Variants in LRRTM3 observed in about 807,000 individuals in gnomAD.
LRRTM3 encodes the protein leucine rich repeat transmembrane neuronal 3.
In LRRTM3, 24 loss-of-function variants were observed where a neutral mutation model predicts 44.7. The observed-to-expected ratio is 0.54, with a 90% CI of 0.39 to 0.76. The LOEUF is 0.76. Ranked by LOEUF, LRRTM3 falls within the 30% of genes least tolerant of loss-of-function variation. LRRTM3 has a pLI of 0.00. For synonymous variants in LRRTM3, 277 were observed against 278.7 expected (o/e 0.99, Z 0.06); for missense variants, 587 against 702.2 (o/e 0.84, Z 1.85).
chr10:66,987,160 G>A (rs1334432224), intron 2 of LRRTM3, among the ~76,000 whole-genome samples: 2 of 152,134 alleles, frequency 1.3e-5, no homozygotes, highest in Non-Finnish European at 2.9e-5. Context: ...TTTGAAACAC[G>A]GACACAGGGC....
intron 2 of LRRTM3, among the ~76,000 whole-genome samples, chr10:66,980,295 T>C (rs1233817754): frequency 6.6e-6 from 1 of 152,086 alleles, no homozygotes; most frequent in East Asian, 1.9e-4. Context: ...ATACCACAAG[T>C]CAACAAAGAT....
intron 2 of LRRTM3, among the ~76,000 whole-genome samples, chr10:67,011,663 T>C (rs1464280671): frequency 6.6e-6 from 1 of 152,196 alleles, no homozygotes; most frequent in Non-Finnish European, 1.5e-5. Flanking sequence ...ATGATGATAA[T>C]GATGACGATA....
In LRRTM3 at chr10:66,926,440, G is replaced by A. The variant is rs901831309; in HGVS notation, c.-144G>A. ...TGGCAAAGAATAATGTTCCAAAATC[G>A]GTCCATCTCCCAAGGGGTCCAATTT... On this transcript the variant is annotated 5_prime_UTR_variant, in exon 1 of 3. Coordinates refer to ENST00000361320, the MANE Select transcript of LRRTM3 (RefSeq NM_178011.5). 8.8e-6 allele frequency: 7 copies of A among 796,684 alleles called. No individual in the cohort carries two copies. Among genetic ancestry groups the A allele is most frequent in the Middle Eastern group, 2.3e-4 (1 of 4,286 alleles). 49.4% of individuals were successfully genotyped at this position (796,684 alleles called of 1,614,324 possible).
chr10:66,953,774 T>C (rs979595141), intron 2 of LRRTM3, among the ~76,000 whole-genome samples: 2 of 151,436 alleles, frequency 1.3e-5, no homozygotes, highest in East Asian at 3.8e-4. Context: ...TATTAGATGA[T>C]ATAAGTTTTA....
chr10:66,955,414 G>T (rs1264240191), intron 2 of LRRTM3, among the ~76,000 whole-genome samples: 2 of 152,114 alleles, frequency 1.3e-5, no homozygotes, highest in Non-Finnish European at 1.5e-5. Flanking sequence ...CTATGATGTA[G>T]GTGATAAAAT....
intron 2 of LRRTM3, among the ~76,000 whole-genome samples, chr10:67,064,196 A>G (rs767169130): frequency 3.3e-5 from 5 of 152,116 alleles, no homozygotes; most frequent in African/African-American, 4.8e-5. Flanking sequence ...GAACATTTGA[A>G]TTGTTAAAAT....
chr10:67,007,545 C>A (rs1239543374), intron 2 of LRRTM3, among the ~76,000 whole-genome samples: 1 of 151,840 alleles, frequency 6.6e-6, no homozygotes, highest in Non-Finnish European at 1.5e-5. Context: ...TTAGGTCAAA[C>A]TTGGAATCTA....
At chr10:67,056,508 C>T (rs1345596001) in intron 2 of LRRTM3, among the ~76,000 whole-genome samples, 1 of 152,144 alleles carries the variant, frequency 6.6e-6, no homozygotes, top group Non-Finnish European at 1.5e-5. Flanking sequence ...AGATCCACTC[C>T]TGATCTGTAT....
chr10:66,995,944 T>C (rs1400798749), intron 2 of LRRTM3, among the ~76,000 whole-genome samples: 2 of 152,228 alleles, frequency 1.3e-5, no homozygotes, highest in Non-Finnish European at 2.9e-5. Context: ...AGTGGTTTAT[T>C]ACATTATTGT....
rs56341920 is a variant in LRRTM3, at chr10:67,026,808, T to A, written c.1537-70779T>A. On this transcript the variant is annotated intron_variant, in intron 2 of 2. Coordinates refer to ENST00000361320, the MANE Select transcript of LRRTM3 (RefSeq NM_178011.5). ...GAGATTTATGAAAAATGAAACAAAC[T>A]CTTCTCATGTGTTAATTAAAAGAGT... 2.3e-3 allele frequency among the ~76,000 whole-genome samples: 353 copies of A among 152,282 alleles called. 3 individuals are homozygous for A. Among genetic ancestry groups the A allele is most frequent in the Middle Eastern group, 0.01 (3 of 294 alleles).
At chr10:67,080,523 A>G (rs1177334037) in intron 2 of LRRTM3, among the ~76,000 whole-genome samples, 1 of 152,268 alleles carries the variant, frequency 6.6e-6, no homozygotes, top group South Asian at 2.1e-4. Context: ...GAGGAAATTT[A>G]TGTTTTATTA....
At chr10:66,975,424 C>T (rs2132848863) in intron 2 of LRRTM3, among the ~76,000 whole-genome samples, 1 of 152,320 alleles carries the variant, frequency 6.6e-6, no homozygotes, top group East Asian at 1.9e-4. Context: ...TTCAGATTGG[C>T]TTCTGAATCA....
At chr10:67,082,798 T>G (rs1857116558) in intron 2 of LRRTM3, among the ~76,000 whole-genome samples, 1 of 152,198 alleles carries the variant, frequency 6.6e-6, no homozygotes, top group African/African-American at 2.4e-5. Flanking sequence ...GGATTAGATA[T>G]CAGTCATGAA....
At chr10:66,979,129 T>C (rs969278604) in intron 2 of LRRTM3, among the ~76,000 whole-genome samples, 5 of 152,006 alleles carry the variant, frequency 3.3e-5, no homozygotes, top group African/African-American at 1.2e-4. Flanking sequence ...CACACCTGGC[T>C]AATTTAATTT....
In LRRTM3 at chr10:67,035,397, T is replaced by C. The variant is rs544842584; in HGVS notation, c.1537-62190T>C. 1.6e-4 allele frequency among the ~76,000 whole-genome samples: 25 copies of C among 152,300 alleles called. No homozygotes were observed. The South Asian group carries it at 1.9e-3, about 11-fold the overall frequency. On this transcript the variant is annotated intron_variant, in intron 2 of 2. Coordinates refer to ENST00000361320, the MANE Select transcript of LRRTM3 (RefSeq NM_178011.5). ...CTAAGGAGTTTGGAATGACTTTATA[T>C]TTATATGCGTTATTTAAAGTTAAGT...
At chr10:66,985,699 C>T (rs565131419) in intron 2 of LRRTM3, among the ~76,000 whole-genome samples, 1 of 152,178 alleles carries the variant, frequency 6.6e-6, no homozygotes, top group South Asian at 2.1e-4. Context: ...CTAGTCACTT[C>T]CTACCACATT....
At chr10:67,008,199 G>A (rs1206518594) in intron 2 of LRRTM3, among the ~76,000 whole-genome samples, 1 of 151,234 alleles carries the variant, frequency 6.6e-6, no homozygotes. Flanking sequence ...TAAAAAGTTG[G>A]GACCATTACT....
At chr10:66,987,541 G>T (rs1850801163) in intron 2 of LRRTM3, among the ~76,000 whole-genome samples, 1 of 152,070 alleles carries the variant, frequency 6.6e-6, no homozygotes, top group African/African-American at 2.4e-5. Flanking sequence ...AAAAAGAGAG[G>T]CTCATCCAGT....
At chr10:67,060,308 G>C (rs1229580454) in intron 2 of LRRTM3, among the ~76,000 whole-genome samples, 1 of 152,008 alleles carries the variant, frequency 6.6e-6, no homozygotes, top group Admixed American at 6.6e-5. Context: ...CAGAGACCTT[G>C]TCTCAAAGAA....
Sources: gnomAD v4.1 joint callset for allele counts (sites outside exome capture counted in the v4.1 genomes callset) on GRCh38, gnomAD v4.1.1 for gene constraint, MANE v1.5 for transcripts, NCBI Gene and HGNC (gene_info 2026-07-23, HGNC 2026-07-21) for gene names.